Variants in CCDC30 observed in about 807,000 individuals in gnomAD.
The protein encoded by CCDC30 is coiled-coil domain-containing protein 30.
CCDC30 carries 70 observed loss-of-function variants against 100.2 expected under a neutral mutation model. The ratio of observed to expected loss-of-function variants is 0.70; its 90% CI spans 0.58 to 0.85. The LOEUF (loss-of-function observed/expected upper bound fraction) is 0.85. CCDC30 is among the 40% of genes least tolerant of loss of function. CCDC30 has a pLI of 0.00. For synonymous variants in CCDC30, 233 were observed against 269.5 expected (o/e 0.86, Z 1.33); for missense variants, 652 against 771.2 (o/e 0.85, Z 1.83).
At chr1:42,466,278 C>T (rs889485081) in intron 1 of CCDC30, among the ~76,000 whole-genome samples, 6 of 152,130 alleles carry the variant, frequency 3.9e-5, no homozygotes, top group African/African-American at 7.2e-5. Flanking sequence ...TGTGCTATGG[C>T]GTAAGATAGG....
At chr1:42,615,446 C>T (rs1199813364) in intron 11 of CCDC30, among the ~76,000 whole-genome samples, 3 of 151,714 alleles carry the variant, frequency 2.0e-5, no homozygotes, top group Non-Finnish European at 4.4e-5. Flanking sequence ...TACAGGCGCA[C>T]GCCACTACTG....
chr1:42,552,984 C>G (rs1287550787), intron 6 of CCDC30, among the ~76,000 whole-genome samples: 4 of 152,098 alleles, frequency 2.6e-5, no homozygotes, highest in African/African-American at 9.7e-5. Context: ...TGACACCACC[C>G]CAGTCAGGGA....
exon 14 of CCDC30, chr1:42,644,741 T>C: frequency 6.2e-7 from 1 of 1,613,660 alleles, no homozygotes; most frequent in South Asian, 1.1e-5. Flanking sequence ...AAAATAGTCT[T>C]CGTCTCACAC....
chr1:42,480,827 TATAGATTC>T (rs1643944623), intron 2 of CCDC30, among the ~76,000 whole-genome samples: 1 of 152,166 alleles, frequency 6.6e-6, no homozygotes, highest in African/African-American at 2.4e-5. Flanking sequence ...TATGATAATG[TATAGATTC>T]ATGGCCAGAT....
At chr1:42,495,250 G>C (rs979642490) in intron 4 of CCDC30, among the ~76,000 whole-genome samples, 8 of 151,616 alleles carry the variant, frequency 5.3e-5, no homozygotes, top group Non-Finnish European at 4.4e-5. Context: ...GTAAACTATT[G>C]CAAGAACAAA....
intron 11 of CCDC30, among the ~76,000 whole-genome samples, chr1:42,620,280 G>A (rs984788002): frequency 6.6e-6 from 1 of 152,108 alleles, no homozygotes; most frequent in Non-Finnish European, 1.5e-5. Flanking sequence ...AAGAACTATT[G>A]GGTACTGTGC....
chr1:42,468,996 A>G (rs1334295523), intron 1 of CCDC30, among the ~76,000 whole-genome samples: 3 of 152,052 alleles, frequency 2.0e-5, no homozygotes. Context: ...TCAAAACAGG[A>G]GAAAGTGACA....
chr1:42,468,398 A>G (rs6600404), intron 1 of CCDC30, among the ~76,000 whole-genome samples: 30,477 of 152,036 alleles, frequency 0.2, 3,333 homozygotes, highest in South Asian at 0.42. Context: ...AGGAGTAAGG[A>G]GCAAGAAAGG....
At chr1:42,649,260 AG>A (rs1390698655) in intron 15 of CCDC30, among the ~76,000 whole-genome samples, 1 of 152,238 alleles carries the variant, frequency 6.6e-6, no homozygotes, top group Non-Finnish European at 1.5e-5. Context: ...ACCATGATCA[AG>A]TGAGATTTGT....
intron 6 of CCDC30, chr1:42,536,487 G>T (rs1327746139): frequency 6.2e-7 from 1 of 1,603,750 alleles, no homozygotes; most frequent in African/African-American, 1.3e-5. Flanking sequence ...TCCTGAAAAT[G>T]AGCCAAGAAA....
chr1:42,460,271 T>C (rs1569627972), upstream of CCDC30: 1 of 1,018,292 alleles, frequency 9.8e-7, no homozygotes, highest in East Asian at 9.0e-5. Flanking sequence ...AGATCAAATA[T>C]TGGTTGAATG....
At chr1:42,482,965 A>G (rs1643987607) in intron 3 of CCDC30, 149 bp downstream of exon 3, 2 of 547,928 alleles carry the variant, frequency 3.7e-6, no homozygotes, top group South Asian at 1.0e-4. Context: ...ATTTTCTACC[A>G]TGCTAGGAAT....
chr1:42,581,326 T>C (rs900282330), intron 8 of CCDC30, 34 bp from the exon 13 acceptor site: 2 of 1,562,970 alleles, frequency 1.3e-6, no homozygotes, highest in South Asian at 1.2e-5. Context: ...ACACTCTTCT[T>C]AATGCTTTAC....
Position 42,646,312 on chromosome 1 carries a change from C to T in CCDC30, c.1849C>T (p.Gln617Ter). Residue 617 changes from glutamine (Q) to a stop codon, truncating the protein, a stop_gained, in exon 15 of 17, where the codon CAG (glutamine) becomes TAG (stop). Coordinates refer to ENST00000668663, the Ensembl canonical transcript of CCDC30. LOFTEE classifies it high-confidence loss of function. ...CACAGAGAAGTGGAAACACTCTGAG[C>T]AGATGGTAGGAGAATCCAACTTCCA... 6.6e-7 allele frequency: 1 copy of T among 1,521,808 alleles called. No individual in the cohort carries two copies. Among genetic ancestry groups the T allele is most frequent in the Non-Finnish European group, 8.8e-7 (1 of 1,133,486 alleles). 94.3% of individuals were successfully genotyped at this position (1,521,808 alleles called of 1,614,324 possible).
In CCDC30 at chr1:42,540,676, TACAC is replaced by T. The variant is rs60125557; in HGVS notation, c.457-25606_457-25603del. Among the ~76,000 whole-genome samples the T allele has an allele frequency of 2.1e-3, 319 of 150,432 alleles. 2 individuals carry two copies. The highest frequency in any genetic ancestry group is 0.014 in the Middle Eastern group (4 of 294). The stretch of plus-strand genomic sequence containing the variant: ...ACACACACACACACACACATACACA[TACAC>T]ACACACACACACAGTTTTTTATAAA... On this transcript the variant is annotated intron_variant, in intron 6 of 16. Coordinates refer to ENST00000668663, the Ensembl canonical transcript of CCDC30.
chr1:42,556,694 A>G (rs1389713383), intron 6 of CCDC30, among the ~76,000 whole-genome samples: 3 of 152,210 alleles, frequency 2.0e-5, no homozygotes, highest in African/African-American at 7.2e-5. Flanking sequence ...GAGCAATATT[A>G]TAACCATGGC....
At chr1:42,611,684 A>G (rs1035564530) in intron 11 of CCDC30, among the ~76,000 whole-genome samples, 1 of 151,986 alleles carries the variant, frequency 6.6e-6, no homozygotes, top group Non-Finnish European at 1.5e-5. Flanking sequence ...TGCAAAAAAA[A>G]ATTCTTTTTT....
chr1:42,460,785 C>T (rs1290831660), upstream of CCDC30, among the ~76,000 whole-genome samples: 2 of 152,200 alleles, frequency 1.3e-5, no homozygotes, highest in East Asian at 3.8e-4. Flanking sequence ...GATAATCTCT[C>T]TGCAAAGTAA....
chr1:42,633,433 A>G (rs1647079777), intron 11 of CCDC30, among the ~76,000 whole-genome samples: 3 of 151,988 alleles, frequency 2.0e-5, no homozygotes, highest in Admixed American at 1.3e-4. Flanking sequence ...GGAAGCCCCA[A>G]CTCTCTAATC....
Sources: allele counts gnomAD v4.1 joint callset (sites outside exome capture counted in the v4.1 genomes callset), GRCh38; gene constraint gnomAD v4.1.1; transcripts MANE v1.5; gene names NCBI Gene and HGNC (gene_info 2026-07-23, HGNC 2026-07-21).